The following LPGAT1 variants were observed in gnomAD, a reference collection of about 807,000 sequenced individuals.
LPGAT1 encodes the protein acyl-CoA:lysophosphatidylglycerol acyltransferase 1.
Under a neutral mutation model 47.5 loss-of-function variants are expected in LPGAT1, and 11 were observed. The ratio of observed to expected loss-of-function variants is 0.23; its 90% CI spans 0.15 to 0.38. The LOEUF (loss-of-function observed/expected upper bound fraction) is 0.38. Ranked by LOEUF, LPGAT1 falls within the 10% of genes least tolerant of loss-of-function variation. LPGAT1 has a pLI of 1.00. For missense variants in LPGAT1, 293 were observed against 439.0 expected (o/e 0.67, Z 2.97); for synonymous variants, 138 against 144.2 (o/e 0.96, Z 0.31).
chr1:211,819,673 C>G (rs1660298568), intron 2 of LPGAT1, among the ~76,000 whole-genome samples: 1 of 152,050 alleles, frequency 6.6e-6, no homozygotes, highest in Non-Finnish European at 1.5e-5. Context: ...CAGAAAGCAA[C>G]AGAACAATAC....
intron 4 of LPGAT1, 40 bp from the exon 5 acceptor site, chr1:211,783,542 C>A: frequency 1.3e-6 from 2 of 1,520,122 alleles, no homozygotes; most frequent in South Asian, 1.3e-5. Context: ...CAGGTATATC[C>A]AAAATTAAAA....
intron 6 of LPGAT1, among the ~76,000 whole-genome samples, chr1:211,773,073 TGTA>T (rs1658246083): frequency 6.6e-6 from 1 of 152,200 alleles, no homozygotes; most frequent in Admixed American, 6.5e-5. Context: ...ATGTAGGCTA[TGTA>T]TGTGCCCAGC....
intron 2 of LPGAT1, among the ~76,000 whole-genome samples, chr1:211,818,911 A>G (rs1219212537): frequency 6.6e-6 from 1 of 152,242 alleles, no homozygotes; most frequent in African/African-American, 2.4e-5. Context: ...TGGGAGACAA[A>G]AGAAACACAC....
chr1:211,824,475 G>A (rs997975545), intron 2 of LPGAT1, among the ~76,000 whole-genome samples: 1 of 152,124 alleles, frequency 6.6e-6, no homozygotes, highest in African/African-American at 2.4e-5. Context: ...TCAGACCCTA[G>A]GGTTATAAGG....
At chr1:211,829,625 GGTC>G in intron 1 of LPGAT1, 1 of 1,146,982 alleles carries the variant, frequency 8.7e-7, no homozygotes, top group Non-Finnish European at 1.1e-6. Flanking sequence ...GTCTCACTGC[GGTC>G]GTCTATTGGA....
chr1:211,817,291 G>A (rs1213700705), intron 2 of LPGAT1, among the ~76,000 whole-genome samples: 1 of 152,166 alleles, frequency 6.6e-6, no homozygotes, highest in African/African-American at 2.4e-5. Context: ...ACCATCCGTC[G>A]CTGGGCATGG....
At chr1:211,765,295 TTC>T (rs1345917201) in intron 6 of LPGAT1, among the ~76,000 whole-genome samples, 2 of 152,266 alleles carry the variant, frequency 1.3e-5, no homozygotes, top group Non-Finnish European at 2.9e-5. Flanking sequence ...TACTTTGTCA[TTC>T]TCTCTATCCA....
chr1:211,809,562 CGTGGGAGGGACCTG>C (rs1328513688), intron 2 of LPGAT1, among the ~76,000 whole-genome samples: 2 of 152,046 alleles, frequency 1.3e-5, no homozygotes, highest in South Asian at 2.1e-4. Flanking sequence ...TCCCATGTGT[CGTGGGAGGGACCTG>C]GTGGGAGGTA....
chr1:211,758,736 A>G (rs17018038), intron 6 of LPGAT1, among the ~76,000 whole-genome samples: 7,147 of 152,222 alleles, frequency 0.047, 248 homozygotes, highest in African/African-American at 0.091. Context: ...ATAATGTTCT[A>G]GTACAGTGAT....
intron 3 of LPGAT1, among the ~76,000 whole-genome samples, chr1:211,790,657 A>G (rs1031064813): frequency 2.0e-5 from 3 of 151,856 alleles, no homozygotes; most frequent in African/African-American, 7.2e-5. Flanking sequence ...ATCTCAAAAT[A>G]AAAAAAAATT....
Position 211,777,709 on chromosome 1 carries a change from T to C in LPGAT1, c.854+1209A>G, listed in dbSNP as rs912272305. 2.6e-5 allele frequency among the ~76,000 whole-genome samples: 4 copies of C among 152,214 alleles called. No homozygotes were observed. In the South Asian group the frequency reaches 8.3e-4, roughly 32 times the overall value. ...CAGAAAATCTTATGTGGATTAATGA[T>C]TTAAAAACAAATTCAATTTCTATCA... On this transcript the variant is annotated intron_variant, in intron 6 of 7. Transcript: ENST00000366997.
At chr1:211,777,828 T>C (rs1246258409) in intron 6 of LPGAT1, among the ~76,000 whole-genome samples, 2 of 152,166 alleles carry the variant, frequency 1.3e-5, no homozygotes, top group African/African-American at 4.8e-5. Context: ...AGTTAAGGCA[T>C]TCTAAGTCAC....
chr1:211,790,496 C>T (rs2102550986), intron 3 of LPGAT1, among the ~76,000 whole-genome samples: 1 of 152,276 alleles, frequency 6.6e-6, no homozygotes, highest in African/African-American at 2.4e-5. Context: ...CTAGTGAATA[C>T]AAATTATATT....
At chr1:211,784,230 G>A (rs930519303) in intron 4 of LPGAT1, among the ~76,000 whole-genome samples, 1 of 152,108 alleles carries the variant, frequency 6.6e-6, no homozygotes, top group Non-Finnish European at 1.5e-5. Context: ...TTTTGGAGAG[G>A]ACATCTTTGG....
chr1:211,795,955 T>G (rs1659334333), intron 2 of LPGAT1, among the ~76,000 whole-genome samples: 1 of 152,040 alleles, frequency 6.6e-6, no homozygotes, highest in Non-Finnish European at 1.5e-5. Flanking sequence ...AGTGGGCTAT[T>G]AAGAGGTAAT....
intron 6 of LPGAT1, among the ~76,000 whole-genome samples, chr1:211,777,022 T>A (rs1371480691): frequency 7.8e-6 from 1 of 128,096 alleles, no homozygotes; most frequent in Non-Finnish European, 1.5e-5. Flanking sequence ...ATGCTGCATT[T>A]AAAAAATTTT....
intron 2 of LPGAT1, among the ~76,000 whole-genome samples, chr1:211,825,547 A>G (rs1230339145): frequency 6.6e-6 from 1 of 152,214 alleles, no homozygotes; most frequent in Non-Finnish European, 1.5e-5. Context: ...TAAAGCATGC[A>G]GAAGTGGATC....
intron 5 of LPGAT1, among the ~76,000 whole-genome samples, chr1:211,779,782 G>A (rs1427194749): frequency 1.3e-5 from 2 of 152,050 alleles, no homozygotes; most frequent in Non-Finnish European, 2.9e-5. Flanking sequence ...AACCCAGGAG[G>A]TGGAGGTTGC....
At chr1:211,776,141 A>C (rs529741056) in intron 6 of LPGAT1, among the ~76,000 whole-genome samples, 2 of 152,034 alleles carry the variant, frequency 1.3e-5, no homozygotes, top group African/African-American at 4.8e-5. Context: ...TATTTCTTTT[A>C]AAATGGAGAA....
Sources: gnomAD v4.1 joint callset for allele counts (sites outside exome capture counted in the v4.1 genomes callset) on GRCh38, gnomAD v4.1.1 for gene constraint, MANE v1.5 for transcripts, NCBI Gene and HGNC (gene_info 2026-07-23, HGNC 2026-07-21) for gene names.